AGT: variants seen among roughly 807,000 people sequenced by gnomAD.
AGT encodes the protein alpha-1 antiproteinase, antitrypsin.
A neutral mutation model predicts 28.1 loss-of-function variants in AGT; 26 were observed. That is an observed-to-expected ratio of 0.92 (90% CI 0.68 to 1.28). The LOEUF (loss-of-function observed/expected upper bound fraction) is 1.28. AGT is among the 50% of genes most tolerant of loss of function. AGT has a pLI of 0.00. For missense variants in AGT, 596 were observed against 592.3 expected (o/e 1.01, Z -0.06); for synonymous variants, 259 against 259.6 (o/e 1.00, Z 0.02).
chr1:230,726,144 C>T (rs1294378399), intron 1 of AGT, among the ~76,000 whole-genome samples: 2 of 152,184 alleles, frequency 1.3e-5, no homozygotes, highest in African/African-American at 2.4e-5. Flanking sequence ...CTGGATCTTC[C>T]AGGTGAATGG....
intron 2 of AGT, among the ~76,000 whole-genome samples, chr1:230,709,682 T>C (rs1663513994): frequency 6.6e-6 from 1 of 152,188 alleles, no homozygotes; most frequent in Non-Finnish European, 1.5e-5. Context: ...GCAAGGCACT[T>C]TGTTTCTCCG....
chr1:230,715,155 G>A (rs1209816306), upstream of AGT, among the ~76,000 whole-genome samples: 2 of 152,152 alleles, frequency 1.3e-5, no homozygotes, highest in African/African-American at 4.8e-5. Flanking sequence ...ATGGTGCCTG[G>A]ATATGAGGCA....
At chr1:230,725,076 C>A (rs1663915625) in intron 1 of AGT, among the ~76,000 whole-genome samples, 1 of 151,970 alleles carries the variant, frequency 6.6e-6, no homozygotes, top group African/African-American at 2.4e-5. Context: ...AATTACTTTT[C>A]AGAAATAAAA....
At chr1:230,729,045 C>A (rs1199935793) in intron 1 of AGT, among the ~76,000 whole-genome samples, 1 of 152,226 alleles carries the variant, frequency 6.6e-6, no homozygotes, top group African/African-American at 2.4e-5. Context: ...GGTACCCATG[C>A]AGTTAACTCA....
rs207482231 is a variant in AGT, at chr1:230,710,827, A to G, written c.-4T>C. 2.5e-6 allele frequency: 4 copies of G among 1,613,866 alleles called. No homozygotes were observed. Among genetic ancestry groups the G allele is most frequent in the Non-Finnish European group, 3.4e-6 (4 of 1,180,008 alleles). On this transcript the variant is annotated 5_prime_UTR_variant, in exon 2 of 5. Coordinates refer to ENST00000366667, the MANE Select transcript of AGT (RefSeq NM_001384479.1). ...GGCTCACACCGGCAGGAGCCATCTC[A>G]GACTGGGGTGCTCGCTTCCGCATAC...
intron 3 of AGT, among the ~76,000 whole-genome samples, 200 bp from the exon 4 acceptor site, chr1:230,704,537 A>G (rs1663329126): frequency 6.6e-6 from 1 of 152,250 alleles, no homozygotes; most frequent in Non-Finnish European, 1.5e-5. Context: ...CATTTGCAAT[A>G]CTATGTGAGG....
At chr1:230,710,975 A>G (rs1231903044) in intron 1 of AGT, 122 bp from the exon 2 acceptor site, 1 of 1,271,626 alleles carries the variant, frequency 7.9e-7, no homozygotes. Flanking sequence ...AAATCCATTC[A>G]TGTCTACAAA....
chr1:230,712,096 T>C (rs907754131), intron 1 of AGT, among the ~76,000 whole-genome samples: 5 of 152,304 alleles, frequency 3.3e-5, no homozygotes, highest in African/African-American at 1.2e-4. Flanking sequence ...CACATCTCAC[T>C]CATTTCTTGT....
At chr1:230,713,911 C>T (rs1041564710) in intron 1 of AGT, among the ~76,000 whole-genome samples, 175 bp downstream of exon 1, 3 of 152,152 alleles carry the variant, frequency 2.0e-5, no homozygotes, top group African/African-American at 7.2e-5. Flanking sequence ...TCCTGTAAGA[C>T]CCCAGGTGGG....
intron 1 of AGT, among the ~76,000 whole-genome samples, chr1:230,738,014 G>A (rs1292335110): frequency 1.3e-5 from 2 of 152,166 alleles, no homozygotes; most frequent in South Asian, 2.1e-4. Context: ...TTCATCCAAG[G>A]TGTAGCATTA....
Position 230,703,263 on chromosome 1 carries a change from G to A in AGT, c.1309C>T (p.Leu437Phe), listed in dbSNP as rs1206152459. Residue 437 changes from leucine to phenylalanine, a missense_variant, in exon 5 of 5, where the codon CTT (leucine) becomes TTT (phenylalanine). Leu to Phe is a conservative substitution (Grantham distance 22). Transcript: ENST00000366667. ...EREPTESTQQLNKPEVLEVTL... is the reference protein window; with the variant it reads ...EREPTESTQQFNKPEVLEVTL... Reference sequence around the variant, plus strand: ...ACCTCCAAGACCTCAGGCTTGTTAAGCTGTTGGGTAGACTCTGTGGGCTCT... The same window carrying A: ...ACCTCCAAGACCTCAGGCTTGTTAAACTGTTGGGTAGACTCTGTGGGCTCT... The A allele has an allele frequency of 1.2e-6, 2 of 1,614,102 alleles. No individual in the cohort carries two copies. Among genetic ancestry groups the A allele is most frequent in the Non-Finnish European group, 1.7e-6 (2 of 1,180,054 alleles).
chr1:230,733,004 G>GGTCTC (rs1664094549), intron 1 of AGT, among the ~76,000 whole-genome samples: 1 of 152,008 alleles, frequency 6.6e-6, no homozygotes, highest in African/African-American at 2.4e-5. Context: ...AGTCCCTGCT[G>GGTCTC]GTCTCGGTGG....
chr1:230,721,950 A>G (rs969637763), intron 1 of AGT, among the ~76,000 whole-genome samples: 13 of 152,258 alleles, frequency 8.5e-5, no homozygotes, highest in African/African-American at 3.1e-4. Flanking sequence ...GAGAAGCCAA[A>G]TGTTAATCAC....
intron 1 of AGT, among the ~76,000 whole-genome samples, chr1:230,726,321 G>A (rs537004107): frequency 3.3e-5 from 5 of 152,232 alleles, no homozygotes; most frequent in Admixed American, 6.5e-5. Flanking sequence ...ACAGATCTCA[G>A]TTAGTTAGGG....
At chr1:230,743,914 C>T (rs1664294100) in intron 1 of AGT, among the ~76,000 whole-genome samples, 2 of 152,326 alleles carry the variant, frequency 1.3e-5, no homozygotes, top group African/African-American at 4.8e-5. Flanking sequence ...AGAGAAAGAA[C>T]AGCACAGAAA....
At position 230,740,480 on chromosome 1, in the gene AGT, C is replaced by T. The variant is rs911156872; in HGVS notation, c.-31+5035G>A. Among the ~76,000 whole-genome samples, 6 of 152,200 alleles carry T rather than the reference C, an allele frequency of 3.9e-5. No individual in the cohort carries two copies. In the East Asian group the frequency reaches 9.7e-4, roughly 24 times the overall value. ...GCTCAAACACCTCTGACAAACCTTACAGGATATTTGAACTTTGAAGTAACT... is the reference window on the plus strand; with the variant it reads ...GCTCAAACACCTCTGACAAACCTTATAGGATATTTGAACTTTGAAGTAACT... On this transcript the variant is annotated intron_variant, in intron 1 of 4. Coordinates refer to the AGT transcript ENST00000681269.
chr1:230,734,796 A>G (rs940073728), intron 1 of AGT, among the ~76,000 whole-genome samples: 12 of 150,788 alleles, frequency 8.0e-5, no homozygotes, highest in Admixed American at 6.0e-4. Flanking sequence ...TGCAAGCTCC[A>G]CCTCCCGGGT....
chr1:230,705,790 C>T (rs547944063), intron 3 of AGT, 143 bp downstream of exon 3: 18 of 1,033,162 alleles, frequency 1.7e-5, no homozygotes, highest in Non-Finnish European at 1.9e-5. Context: ...ACACACAGGC[C>T]GCCTGCCCAG....
chr1:230,713,817 C>T (rs1049053722), intron 1 of AGT, among the ~76,000 whole-genome samples: 2 of 152,168 alleles, frequency 1.3e-5, no homozygotes, highest in African/African-American at 2.4e-5. Flanking sequence ...TACCAGTCTG[C>T]TCCGTTCCTG....
Sources: allele counts gnomAD v4.1 joint callset (sites outside exome capture counted in the v4.1 genomes callset), GRCh38; gene constraint gnomAD v4.1.1; transcripts MANE v1.5; gene names NCBI Gene and HGNC (gene_info 2026-07-23, HGNC 2026-07-21).